The following DMD variants were observed in gnomAD, a reference collection of about 807,000 sequenced individuals.
DMD encodes mutant dystrophin.
A neutral mutation model predicts 330.1 loss-of-function variants in DMD; 63 were observed. That is an observed-to-expected ratio of 0.19 (90% confidence interval 0.16 to 0.24). The LOEUF (loss-of-function observed/expected upper bound fraction) is 0.24, where lower values mean the gene tolerates loss of function less well. Among genes scored for constraint, DMD ranks in the 10% least tolerant of loss-of-function variants. The pLI is 1.00. For missense variants in DMD, 3,344 were observed against 2,684.1 expected (o/e 1.25, Z -5.43); for synonymous variants, 1,223 against 959.8 (o/e 1.27, Z -5.07).
intron 55 of DMD, among the ~76,000 whole-genome samples, chrX:31,557,309 T>C (rs1056023555): frequency 9.0e-6 from 1 of 111,517 alleles, no homozygotes; most frequent in Non-Finnish European, 1.9e-5. Flanking sequence ...GTAAACTCTT[T>C]TGAATAAAGA....
intron 2 of DMD, among the ~76,000 whole-genome samples, chrX:32,852,398 A>C (rs2082410259): frequency 8.9e-6 from 1 of 111,918 alleles, no homozygotes; most frequent in Non-Finnish European, 1.9e-5. Flanking sequence ...GTAGCCAGGC[A>C]GTATTCACCA....
chrX:31,988,423 G>A (rs1310123650), intron 44 of DMD, among the ~76,000 whole-genome samples: 1 of 86,384 alleles, frequency 1.2e-5, no homozygotes, highest in Non-Finnish European at 2.1e-5. Flanking sequence ...GCAGTGAGCC[G>A]AGATCATGCC....
chrX:33,294,119 G>A (rs1455276613), intron 1 of DMD, among the ~76,000 whole-genome samples: 3 of 111,655 alleles, frequency 2.7e-5, no homozygotes, highest in Non-Finnish European at 5.7e-5. Context: ...GAGCTAGAGA[G>A]AGTGGGGTTG....
intron 7 of DMD, among the ~76,000 whole-genome samples, chrX:32,777,277 T>TGGGGGGGGGGGGGGTTGGGG (rs546914107): frequency 1.4e-3 from 3 of 2,113 alleles, no homozygotes; most frequent in East Asian, 0.019. Flanking sequence ...GGTTTCTGGT[T>TGGGGGGGGGGGGGGTTGGGG]GGGGGGGGAA....
chrX:33,136,160 T>C (rs2095525518), intron 1 of DMD, among the ~76,000 whole-genome samples: 1 of 108,647 alleles, frequency 9.2e-6, no homozygotes, highest in African/African-American at 3.4e-5. Flanking sequence ...ACAAATAATT[T>C]CTTTTTTAAA....
At chrX:32,534,042 T>G (rs749280326) in intron 17 of DMD, among the ~76,000 whole-genome samples, 1 of 112,174 alleles carries the variant, frequency 8.9e-6, no homozygotes, top group Non-Finnish European at 1.9e-5. Context: ...ACTATGAACT[T>G]TAGTCAAAAC....
intron 60 of DMD, among the ~76,000 whole-genome samples, chrX:31,394,440 T>G (rs1459631565): frequency 8.9e-6 from 1 of 112,661 alleles, no homozygotes; most frequent in Non-Finnish European, 1.9e-5. Context: ...AAAAATATTT[T>G]TAAAACCTGA....
rs751164215 is a variant in DMD, at chrX:31,345,183, C to A, written c.9163+3373G>T. On this transcript the variant is annotated intron_variant, in intron 61 of 78. Transcript: ENST00000357033. ...ACATGGGCATCCAAGAGACTGATGACTTCCGGGGCTGGCTCCATTCAGGCA... is the reference window on the plus strand; with the variant it reads ...ACATGGGCATCCAAGAGACTGATGAATTCCGGGGCTGGCTCCATTCAGGCA... Among the ~76,000 whole-genome samples, 5 of 112,248 alleles carry A rather than the reference C, an allele frequency of 4.5e-5. No individual in the cohort carries two copies. In the South Asian group the frequency reaches 1.5e-3, roughly 33 times the overall value.
intron 44 of DMD, among the ~76,000 whole-genome samples, chrX:32,078,755 G>T (rs983123002): frequency 1.3e-4 from 15 of 111,776 alleles, no homozygotes; most frequent in South Asian, 7.5e-4. Context: ...TTAGTTAGAG[G>T]CAAGTAAGAA....
chrX:32,331,768 G>T (rs1288028709), intron 41 of DMD, among the ~76,000 whole-genome samples: 1 of 111,441 alleles, frequency 9.0e-6, no homozygotes, highest in East Asian at 2.8e-4. Context: ...TATTTAACGT[G>T]CTACTTGAAG....
At position 32,487,133 on chromosome X, in the gene DMD, C is replaced by T. The variant is rs755564998; in HGVS notation, c.2623-2034G>A. On this transcript the variant is annotated intron_variant, in intron 20 of 78. Transcript: ENST00000357033. ...AAGGGCTAATATCCAGAATCTACAA[C>T]GAACTCAAAAAAATTTACAAGAAAA... is the stretch of plus-strand genomic sequence containing the variant. Among the ~76,000 whole-genome samples the T allele has an allele frequency of 9.1e-3, 1,005 of 110,844 alleles. 3 individuals carry two copies. Among genetic ancestry groups the T allele is most frequent in the Non-Finnish European group, 0.014 (720 of 52,815 alleles).
At chrX:32,267,966 C>T (rs549933803) in intron 43 of DMD, among the ~76,000 whole-genome samples, 2 of 112,058 alleles carry the variant, frequency 1.8e-5, no homozygotes, top group African/African-American at 6.5e-5. Flanking sequence ...CAAAGGTATA[C>T]ATTAGCAAAA....
rs2044909970 is a variant in DMD at position 32,508,754 on chromosome X, T to C, written c.2293-6912A>G. Among the ~76,000 whole-genome samples the C allele has an allele frequency of 1.8e-5, 2 of 112,141 alleles. 1 individual carries two copies. Among genetic ancestry groups the C allele is most frequent in the Admixed American group, 1.9e-4 (2 of 10,648 alleles). On this transcript the variant is annotated intron_variant, in intron 18 of 78. Coordinates refer to ENST00000357033, the MANE Select transcript of DMD (RefSeq NM_004006.3). ...AGACTATACCCGACAAACTGAAATATGTGCTCATTCTACTTAAAGGTAACT... is the reference window on the plus strand; with the variant it reads ...AGACTATACCCGACAAACTGAAATACGTGCTCATTCTACTTAAAGGTAACT...
intron 44 of DMD, among the ~76,000 whole-genome samples, chrX:32,063,158 T>C (rs1334596141): frequency 1.0e-5 from 1 of 95,325 alleles, no homozygotes; most frequent in Non-Finnish European, 2.1e-5. Flanking sequence ...TGCAGAATTT[T>C]CTACTCAAAT....
rs766315105 is a variant in DMD at position 32,464,177 on chromosome X, T to C, written c.3276+409A>G. On this transcript the variant is annotated intron_variant, in intron 24 of 78. Transcript: ENST00000357033. ...GTAATTTATCATAAGAAATAACAAGTAGCTCAAAGGATTCTTTACCTTTAA... is the reference window on the plus strand; with the variant it reads ...GTAATTTATCATAAGAAATAACAAGCAGCTCAAAGGATTCTTTACCTTTAA... 4.5e-5 allele frequency among the ~76,000 whole-genome samples: 5 copies of C among 111,904 alleles called. No individual in the cohort carries two copies. In the East Asian group the frequency reaches 1.4e-3, roughly 32 times the overall value.
intron 48 of DMD, among the ~76,000 whole-genome samples, chrX:31,854,062 C>T (rs1237814939): frequency 8.9e-6 from 1 of 112,027 alleles, no homozygotes; most frequent in Admixed American, 9.5e-5. Context: ...AAGAGAGATA[C>T]CCGATGCTAC....
chrX:33,303,809 T>G (rs1053158876), intron 1 of DMD, among the ~76,000 whole-genome samples: 1 of 111,864 alleles, frequency 8.9e-6, no homozygotes, highest in Non-Finnish European at 1.9e-5. Flanking sequence ...GGCTGAACTG[T>G]GAGTCAATTA....
Position 31,519,621 on chromosome X carries a change from C to G in DMD, c.8218-12168G>C, listed in dbSNP as rs188195211. ...TACAATAGGTTAATGATAGGAAAATCTAAGACATTTCTATTTTTTTCATTT... is the reference window on the plus strand; with the variant it reads ...TACAATAGGTTAATGATAGGAAAATGTAAGACATTTCTATTTTTTTCATTT... On this transcript the variant is annotated intron_variant, in intron 55 of 78. Transcript: ENST00000357033. Among the ~76,000 whole-genome samples the G allele has an allele frequency of 2.0e-4, 22 of 111,978 alleles. 2 individuals are homozygous for G. The highest frequency in any genetic ancestry group is 7.1e-4 in the African/African-American group (22 of 30,890).
At chrX:31,908,876 GC>G (rs753828734) in intron 47 of DMD, among the ~76,000 whole-genome samples, 140 of 111,379 alleles carry the variant, frequency 1.3e-3, no homozygotes, top group African/African-American at 4.3e-3. Context: ...AGCAGAGATA[GC>G]CCCAAGCAAA....
Sources: gnomAD v4.1 joint callset for allele counts (sites outside exome capture counted in the v4.1 genomes callset) on GRCh38, gnomAD v4.1.1 for gene constraint, MANE v1.5 for transcripts, NCBI Gene and HGNC (gene_info 2026-07-23, HGNC 2026-07-21) for gene names.